Variants in TMEM106C observed in about 807,000 individuals in gnomAD.
The protein encoded by TMEM106C is transmembrane protein 106C.
Under a neutral mutation model 30.8 loss-of-function variants are expected in TMEM106C, and 27 were observed. The ratio of observed to expected loss-of-function variants is 0.88; its 90% CI spans 0.65 to 1.21. The LOEUF (loss-of-function observed/expected upper bound fraction) is 1.21, where lower values mean the gene tolerates loss of function less well. Among genes scored for constraint, TMEM106C ranks in the 50% most tolerant of loss-of-function variants. The pLI is 0.00. For synonymous variants in TMEM106C, 123 were observed against 118.8 expected, an observed-to-expected ratio of 1.04 and a Z score of -0.23; for missense variants, 288 against 307.8, an observed-to-expected ratio of 0.94 and a Z score of 0.48.
At chr12:47,968,110 C>T in intron 7 of TMEM106C, 23 bp from the exon 8 acceptor site, 1 of 1,590,154 alleles carries the variant, frequency 6.3e-7, no homozygotes, top group South Asian at 1.1e-5. Flanking sequence ...ATAATTAATT[C>T]TTCTTGGTTT....
At chr12:47,965,496 GC>G in intron 3 of TMEM106C, 151 bp downstream of exon 3, 1 of 728,398 alleles carries the variant, frequency 1.4e-6, no homozygotes, top group Non-Finnish European at 2.3e-6. Context: ...AGATATCTCT[GC>G]CCCCATCACA....
Position 47,965,326 on chromosome 12 carries a change from A to C in TMEM106C, c.232A>C (p.Arg78=), listed in dbSNP as rs1175528529. Residue 78 remains arginine (R), a synonymous_variant, in exon 3 of 8, where the codon AGA becomes CGA. Transcript: ENST00000429772. ...GGCTTTGATCCCACACAGTGATCAG[A>C]GATTGCGCCCTCAGCGAACGTGAGT... ...LVALIPHSDQ[R]LRPQRTKQYV... The C allele has an allele frequency of 3.7e-6, 6 of 1,614,028 alleles. No individual in the cohort carries two copies. In the African/African-American group the frequency reaches 8.0e-5, roughly 22 times the overall value.
chr12:47,965,882 CTGGTTTGG>C lies in TMEM106C; in HGVS notation c.303_310del (p.Leu101PhefsTer12). On this transcript the variant is annotated frameshift_variant, in exon 4 of 8. Transcript: ENST00000429772. LOFTEE classifies it high-confidence loss of function. ...TCCATCCTGCTTTGTCTCCTGGCATCTGGTTTGGTGGTTTTCTTCCTGTTTCCGCATTC... is the reference window on the plus strand; with the variant it reads ...TCCATCCTGCTTTGTCTCCTGGCATCTGGTTTTCTTCCTGTTTCCGCATTC... 3 of 1,614,206 alleles carry C rather than the reference CTGGTTTGG, an allele frequency of 1.9e-6. No individual in the cohort carries two copies. Among genetic ancestry groups the C allele is most frequent in the Non-Finnish European group, 1.7e-6 (2 of 1,180,028 alleles).
chr12:47,966,345 C>T (rs1312187550), intron 5 of TMEM106C, 116 bp downstream of exon 5: 1 of 1,261,300 alleles, frequency 7.9e-7, no homozygotes, highest in African/African-American at 1.5e-5. Flanking sequence ...CTTGTAGGAA[C>T]TGGTGATGAG....
intron 3 of TMEM106C, 51 bp from the exon 4 acceptor site, chr12:47,965,787 G>C: frequency 6.2e-7 from 1 of 1,602,590 alleles, no homozygotes. Flanking sequence ...TTGACACATT[G>C]AACCTTGATA....
rs1163214520 is a variant in TMEM106C, at chr12:47,968,237, T to C, written c.*8T>C. The C allele has an allele frequency of 6.2e-7, 1 of 1,602,630 alleles. No individual in the cohort carries two copies. Among genetic ancestry groups the C allele is most frequent in the South Asian group, 1.1e-5 (1 of 90,860 alleles). The stretch of plus-strand genomic sequence containing the variant: ...AATTCCACAGCTATTTAACAACTGC[T>C]ATTGGTTCTTCCACACAGCGCCTGT... On this transcript the variant is annotated 3_prime_UTR_variant, in exon 8 of 8. Transcript: ENST00000429772.
chr12:47,964,178 C>G lies in TMEM106C; in HGVS notation c.-28-31C>G, dbSNP rs911312264. The G allele has an allele frequency of 3.2e-6, 5 of 1,551,158 alleles. No individual in the cohort carries two copies. In the African/African-American group the frequency reaches 6.8e-5, roughly 21 times the overall value. ...GATTTCTGTCGTGATTCACTGGGGC[C>G]GCTAACGTGCACTCCCTCTTTTCAT... On this transcript the variant is annotated intron_variant, in intron 1 of 7. Transcript: ENST00000429772.
chr12:47,968,681 A>T lies in TMEM106C; in HGVS notation c.*452A>T, dbSNP rs1318755485. ...CTAAGAGAAAACAGACCTAGTCAGGATATGAATTTGTTTCAGCTGTTCCCA... is the reference window on the plus strand; with the variant it reads ...CTAAGAGAAAACAGACCTAGTCAGGTTATGAATTTGTTTCAGCTGTTCCCA... On this transcript the variant is annotated 3_prime_UTR_variant, in exon 8 of 8. Coordinates refer to ENST00000429772, the MANE Select transcript of TMEM106C (RefSeq NM_001143842.2). The T allele has an allele frequency of 1.1e-5, 2 of 182,676 alleles. No homozygotes were observed. The highest frequency in any genetic ancestry group is 3.1e-4 in the East Asian group (2 of 6,406). The allele number at this position is 182,676 out of a possible 1,614,324, so 11.3% of individuals were successfully genotyped here.
chr12:47,964,426 G>A lies in TMEM106C; in HGVS notation c.187+3G>A, dbSNP rs1466074615. 6 of 1,613,406 alleles carry A rather than the reference G, an allele frequency of 3.7e-6. No individual in the cohort carries two copies. The highest frequency in any genetic ancestry group is 1.3e-5 in the African/African-American group (1 of 74,934). On this transcript the variant is annotated splice_donor_region_variant and intron_variant, in intron 2 of 7. Coordinates refer to ENST00000429772, the MANE Select transcript of TMEM106C (RefSeq NM_001143842.2). ...GGGGACAGGCTACATTCCAACAGGT[G>A]ATCATGGAGGGATGATTCCCTGATG...
Position 47,968,207 on chromosome 12 carries a change from G to A in TMEM106C, c.731G>A (p.Gly244Glu). 2 of 1,613,822 alleles carry A rather than the reference G, an allele frequency of 1.2e-6. No individual in the cohort carries two copies. Among genetic ancestry groups the A allele is most frequent in the Non-Finnish European group, 1.7e-6 (2 of 1,179,778 alleles). The change falls in exon 8 of 8, where the codon GGA (glycine) becomes GAA (glutamate). Residue 244 changes from glycine (G) to glutamate (E), a missense_variant. By Grantham distance (98) the Gly-to-Glu change is moderately conservative (BLOSUM62 -2). Coordinates refer to ENST00000429772, the MANE Select transcript of TMEM106C (RefSeq NM_001143842.2). Reference protein sequence around the residue: ...SLETHHYVDCGGNSTAI With the variant: ...SLETHHYVDCEGNSTAI ...GAGACACATCACTATGTGGATTGTG[G>A]AGGAAATTCCACAGCTATTTAACAA... is the stretch of plus-strand genomic sequence containing the variant.
intron 3 of TMEM106C, chr12:47,965,596 GT>G (rs1442056993): frequency 1.5e-6 from 1 of 665,890 alleles, no homozygotes; most frequent in Non-Finnish European, 2.6e-6. Context: ...GTTCTGGGAG[GT>G]GTGGGACTGT....
At chr12:47,966,862 G>A in intron 6 of TMEM106C, 130 bp downstream of exon 6, 2 of 883,300 alleles carry the variant, frequency 2.3e-6, no homozygotes, top group Non-Finnish European at 3.7e-6. Context: ...GGCTTTGGAT[G>A]TCTTGAGATT....
At position 47,968,310 on chromosome 12, in the gene TMEM106C, C is replaced by A; in HGVS notation, c.*81C>A. The A allele has an allele frequency of 1.8e-6, 2 of 1,094,592 alleles. No homozygotes were observed. Among genetic ancestry groups the A allele is most frequent in the Non-Finnish European group, 2.8e-6 (2 of 717,358 alleles). 67.8% of individuals were successfully genotyped at this position (1,094,592 alleles called of 1,614,324 possible). A position where few individuals can be genotyped will look rare whatever the true frequency, so the allele number is the denominator to read the frequency against. ...CCCAAGGCCTGAGTTCTGGACCTAC[C>A]CCCACGTGGTGTAAGCAGAGGAGGA... On this transcript the variant is annotated 3_prime_UTR_variant, in exon 8 of 8. Coordinates refer to ENST00000429772, the MANE Select transcript of TMEM106C (RefSeq NM_001143842.2).
At chr12:47,965,177 T>C (rs1592184842) in intron 2 of TMEM106C, 105 bp from the exon 3 acceptor site, 2 of 873,906 alleles carry the variant, frequency 2.3e-6, no homozygotes, top group East Asian at 5.2e-5. Context: ...TTTTTTAAAA[T>C]GTCTCATTCC....
At chr12:47,966,295 C>T in intron 5 of TMEM106C, 66 bp downstream of exon 5, 1 of 1,558,938 alleles carries the variant, frequency 6.4e-7, no homozygotes. Flanking sequence ...TGTAGGAATG[C>T]CATAGCTGTG....
At chr12:47,966,479 T>C (rs948890061) in intron 5 of TMEM106C, 10 of 697,010 alleles carry the variant, frequency 1.4e-5, no homozygotes, top group South Asian at 1.4e-4. Flanking sequence ...AGCAGCAGTG[T>C]TACAGCCTGA....
intron 2 of TMEM106C, 86 bp downstream of exon 2, chr12:47,964,509 C>G (rs1938156794): frequency 3.9e-6 from 5 of 1,273,530 alleles, no homozygotes. Context: ...TTCTTCTAGG[C>G]AGTAATACCA....
rs142370895 is a variant in TMEM106C at position 47,968,261 on chromosome 12, G to A, written c.*32G>A. Reference sequence around the variant, plus strand: ...CTATTGGTTCTTCCACACAGCGCCTGTAGAAGAGAGCACAGCATATGTTCC... The same window carrying A: ...CTATTGGTTCTTCCACACAGCGCCTATAGAAGAGAGCACAGCATATGTTCC... On this transcript the variant is annotated 3_prime_UTR_variant, in exon 8 of 8. Transcript: ENST00000429772. The A allele has an allele frequency of 3.7e-3, 5,666 of 1,521,202 alleles. 24 individuals are homozygous for A. Among genetic ancestry groups the A allele is most frequent in the Middle Eastern group, 0.024 (141 of 5,906 alleles). The allele number at this position is 1,521,202 out of a possible 1,614,324, so 94.2% of individuals were successfully genotyped here.
chr12:47,965,631 T>G, intron 3 of TMEM106C: 2 of 724,646 alleles, frequency 2.8e-6, no homozygotes, highest in Non-Finnish European at 4.7e-6. Flanking sequence ...GCTCCTTTCT[T>G]CAGCTTTTCT....
Sources: allele counts gnomAD v4.1 joint callset, GRCh38; gene constraint gnomAD v4.1.1; transcripts MANE v1.5; gene names NCBI Gene and HGNC (gene_info 2026-07-23, HGNC 2026-07-21).